TENM2: variants seen among roughly 807,000 people sequenced by gnomAD.
TENM2 encodes teneurin-2.
TENM2 carries 52 observed loss-of-function variants against 245.2 expected under a neutral mutation model. The observed-to-expected ratio is 0.21, with a 90% CI of 0.17 to 0.27. TENM2 has a LOEUF of 0.27. TENM2 is among the 10% of genes least tolerant of loss of function. The pLI is 1.00. For synonymous variants in TENM2, 1,363 were observed against 1,438.9 expected, an observed-to-expected ratio of 0.95 and a Z score of 1.19; for missense variants, 3,046 against 3,666.8, an observed-to-expected ratio of 0.83 and a Z score of 4.37.
chr5:168,146,928 A>AC lies in TENM2; in HGVS notation c.2423-15676dup, dbSNP rs550693875. On this transcript the variant is annotated intron_variant, in intron 12 of 28. Transcript: ENST00000518659. ...AATCAGAGAATATGGGCATCAGGGGACCCCCCCTTCACCTGTCGGGAAAGT... is the reference window on the plus strand; with the variant it reads ...AATCAGAGAATATGGGCATCAGGGGACCCCCCCCTTCACCTGTCGGGAAAGT... Among the ~76,000 whole-genome samples the AC allele has an allele frequency of 3.0e-4, 45 of 151,790 alleles. No individual in the cohort carries two copies. In the East Asian group the frequency reaches 6.4e-3, roughly 22 times the overall value.
chr5:167,710,885 A>G (rs1370380186), intron 2 of TENM2, among the ~76,000 whole-genome samples: 1 of 152,230 alleles, frequency 6.6e-6, no homozygotes, highest in Non-Finnish European at 1.5e-5. Context: ...TACTGCGGTA[A>G]TCTAGGGCAA....
chr5:167,586,204 G>A (rs1775485889), intron 2 of TENM2, among the ~76,000 whole-genome samples: 1 of 152,070 alleles, frequency 6.6e-6, no homozygotes, highest in African/African-American at 2.4e-5. Context: ...TATTTACATA[G>A]CATTTACATT....
At chr5:167,964,038 T>G (rs1049538286) in intron 4 of TENM2, among the ~76,000 whole-genome samples, 6 of 152,214 alleles carry the variant, frequency 3.9e-5, no homozygotes, top group Non-Finnish European at 7.3e-5. Context: ...TGTCTTTTCT[T>G]AAGTAGTGTG....
intron 2 of TENM2, among the ~76,000 whole-genome samples, chr5:167,805,196 C>T (rs528711279): frequency 2.6e-5 from 4 of 152,100 alleles, no homozygotes; most frequent in South Asian, 2.1e-4. Context: ...GTGTAGCACT[C>T]GTGTCACTGA....
At position 167,384,856 on chromosome 5, in the gene TENM2, A is replaced by G. The variant is rs570440103; in HGVS notation, c.502+9383A>G. Among the ~76,000 whole-genome samples, 4 of 152,344 alleles carry G rather than the reference A, an allele frequency of 2.6e-5. No individual in the cohort carries two copies. The South Asian group carries it at 8.3e-4, about 32-fold the overall frequency. On this transcript the variant is annotated intron_variant, in intron 2 of 28. Transcript: ENST00000518659. ...GCTTCTTAGCATTTCAGTAGCAGAA[A>G]TTAACCTCTGACTACCATATGAATG... is the stretch of plus-strand genomic sequence containing the variant.
intron 13 of TENM2, among the ~76,000 whole-genome samples, chr5:168,170,362 G>T (rs973348285): frequency 6.6e-6 from 1 of 151,948 alleles, no homozygotes; most frequent in African/African-American, 2.4e-5. Context: ...AAATTAGCCG[G>T]GCATAGTGGC....
chr5:167,311,882 C>T (rs956514385), intron 1 of TENM2, among the ~76,000 whole-genome samples: 2 of 152,160 alleles, frequency 1.3e-5, no homozygotes, highest in Non-Finnish European at 2.9e-5. Flanking sequence ...ATGCATCATT[C>T]TGTTGTAATG....
chr5:168,227,510 GCCTTT>G (rs1764316307), intron 24 of TENM2, among the ~76,000 whole-genome samples: 2 of 147,068 alleles, frequency 1.4e-5, no homozygotes, highest in African/African-American at 5.1e-5. Flanking sequence ...GAAGTCATTT[GCCTTT>G]CTTTTTTTTT....
At chr5:167,701,475 A>G (rs1758139992) in intron 2 of TENM2, among the ~76,000 whole-genome samples, 1 of 152,062 alleles carries the variant, frequency 6.6e-6, no homozygotes, top group Non-Finnish European at 1.5e-5. Flanking sequence ...CTTACTCTGT[A>G]TACCTTCTCA....
At chr5:167,688,248 G>A (rs767043352) in intron 2 of TENM2, among the ~76,000 whole-genome samples, 15 of 152,166 alleles carry the variant, frequency 9.9e-5, no homozygotes, top group East Asian at 1.9e-4. Context: ...CAGCAATGGC[G>A]TGGCGTTTTA....
intron 2 of TENM2, among the ~76,000 whole-genome samples, chr5:167,661,321 C>A (rs1159873687): frequency 6.6e-6 from 1 of 152,124 alleles, no homozygotes; most frequent in Non-Finnish European, 1.5e-5. Flanking sequence ...TATCTTGGAA[C>A]GTGAATTTAG....
At position 167,911,678 on chromosome 5, in the gene TENM2, G is replaced by C. The variant is rs548730619; in HGVS notation, c.712+35483G>C. Among the ~76,000 whole-genome samples the C allele has an allele frequency of 6.6e-5, 10 of 152,296 alleles. No homozygotes were observed. The South Asian group carries it at 2.1e-3, about 32-fold the overall frequency. On this transcript the variant is annotated intron_variant, in intron 3 of 28. Transcript: ENST00000518659. ...CACTGGGGCAGGAGTACTCACCATGGCGTGTAGAAATAAGTAAATTCCAAC... is the reference window on the plus strand; with the variant it reads ...CACTGGGGCAGGAGTACTCACCATGCCGTGTAGAAATAAGTAAATTCCAAC...
chr5:167,487,828 A>G (rs1416529030), intron 2 of TENM2, among the ~76,000 whole-genome samples: 3 of 152,184 alleles, frequency 2.0e-5, no homozygotes, highest in Non-Finnish European at 4.4e-5. Context: ...TTTGAGTTCA[A>G]TCTTTTTCTT....
chr5:167,708,972 C>A (rs973652855), intron 2 of TENM2, among the ~76,000 whole-genome samples: 2 of 152,084 alleles, frequency 1.3e-5, no homozygotes, highest in African/African-American at 2.4e-5. Flanking sequence ...ATGAAATGGG[C>A]GAGTCTAGCA....
intron 2 of TENM2, among the ~76,000 whole-genome samples, chr5:167,842,504 G>T (rs568795870): frequency 1.4e-5 from 2 of 142,774 alleles, no homozygotes; most frequent in South Asian, 2.2e-4. Flanking sequence ...CAGGAGAATT[G>T]CTTGAGCCTG....
At chr5:167,557,606 A>C (rs982055791) in intron 2 of TENM2, among the ~76,000 whole-genome samples, 2 of 152,216 alleles carry the variant, frequency 1.3e-5, no homozygotes, top group Non-Finnish European at 2.9e-5. Flanking sequence ...CTGAGGTTAT[A>C]ATATGAGCCC....
chr5:167,308,667 T>C (rs984391169), intron 1 of TENM2, among the ~76,000 whole-genome samples: 2 of 152,220 alleles, frequency 1.3e-5, no homozygotes, highest in African/African-American at 2.4e-5. Flanking sequence ...CTGTGAATTC[T>C]GCTTATCACT....
intron 2 of TENM2, among the ~76,000 whole-genome samples, chr5:167,520,655 G>A (rs1363296575): frequency 6.6e-6 from 1 of 151,974 alleles, no homozygotes; most frequent in Non-Finnish European, 1.5e-5. Flanking sequence ...TTTATGATTC[G>A]TCATTCCAGT....
chr5:167,265,786 G>T, the TENM2 span, among the ~76,000 whole-genome samples: 1 of 152,056 alleles, frequency 6.6e-6, no homozygotes, highest in Non-Finnish European at 1.5e-5. Flanking sequence ...CACATGTTAC[G>T]GTTCCAGCTA....
Sources: gnomAD v4.1 joint callset for allele counts (sites outside exome capture counted in the v4.1 genomes callset) on GRCh38, gnomAD v4.1.1 for gene constraint, MANE v1.5 for transcripts, NCBI Gene and HGNC (gene_info 2026-07-23, HGNC 2026-07-21) for gene names.